CECR2: variants seen among roughly 807,000 people sequenced by gnomAD.
CECR2 encodes the protein chromatin remodeling regulator CECR2.
CECR2 carries 30 observed loss-of-function variants against 154.5 expected under a neutral mutation model. The observed-to-expected ratio is 0.19, with a 90% CI of 0.15 to 0.26. The LOEUF is 0.26. Ranked by LOEUF, CECR2 falls within the 10% of genes least tolerant of loss-of-function variation. The pLI, the probability that CECR2 is intolerant of heterozygous loss-of-function variation, is 1.00. For synonymous variants in CECR2, 725 were observed against 683.7 expected (o/e 1.06, Z -0.94); for missense variants, 1,743 against 1,829.3 (o/e 0.95, Z 0.86).
At chr22:17,469,507 G>T (rs146699162) in intron 1 of CECR2, among the ~76,000 whole-genome samples, 1 of 152,170 alleles carries the variant, frequency 6.6e-6, no homozygotes, top group Non-Finnish European at 1.5e-5. Context: ...CCCCAAGCAG[G>T]GGGGATGATT....
At chr22:17,523,019 A>T (rs1191564631) in intron 8 of CECR2, among the ~76,000 whole-genome samples, 2 of 151,906 alleles carry the variant, frequency 1.3e-5, no homozygotes, top group African/African-American at 2.4e-5. Context: ...GGAAAAAAAA[A>T]AGCCTGCTAT....
intron 8 of CECR2, among the ~76,000 whole-genome samples, chr22:17,517,794 G>C (rs1296883061): frequency 6.6e-6 from 1 of 152,174 alleles, no homozygotes; most frequent in Admixed American, 6.6e-5. Context: ...ATTTCGTCTT[G>C]CACACCGAAG....
At chr22:17,413,663 GATT>G (rs111990077) in intron 1 of CECR2, among the ~76,000 whole-genome samples, 49 of 150,682 alleles carry the variant, frequency 3.3e-4, no homozygotes, top group South Asian at 1.7e-3. Flanking sequence ...TTGGAAGGAG[GATT>G]ATTATTATTA....
At chr22:17,447,033 C>CTGTTGTTTTTTTT (rs1339121774) in intron 1 of CECR2, among the ~76,000 whole-genome samples, 1 of 114,110 alleles carries the variant, frequency 8.8e-6, no homozygotes, top group Non-Finnish European at 1.7e-5. Flanking sequence ...CGTTTACAAT[C>CTGTTGTTTTTTTT]TTTTTTTTTT....
rs146239485 is a variant in CECR2 at position 17,379,833 on chromosome 22, C to CA, written c.126+9926dup. Among the ~76,000 whole-genome samples, 941 of 152,122 alleles carry CA rather than the reference C, an allele frequency of 6.2e-3. 15 individuals carry two copies. Among genetic ancestry groups the CA allele is most frequent in the African/African-American group, 0.022 (900 of 41,484 alleles). On this transcript the variant is annotated intron_variant, in intron 1 of 18. Coordinates refer to ENST00000262608, the MANE Select transcript of CECR2 (RefSeq NM_001290047.2). ...AGCAAACGGTATTGTGAGTGTGACT[C>CA]AAGCAGTCTAGTGCACTGTGAAGGG...
chr22:17,438,636 T>A (rs1301202465), intron 1 of CECR2, among the ~76,000 whole-genome samples: 1 of 150,796 alleles, frequency 6.6e-6, no homozygotes, highest in Non-Finnish European at 1.5e-5. Context: ...TTTTTTGCAA[T>A]TTTTTTTAAA....
At chr22:17,529,617 G>T (rs532827327) in intron 9 of CECR2, among the ~76,000 whole-genome samples, 1 of 151,626 alleles carries the variant, frequency 6.6e-6, no homozygotes, top group South Asian at 2.1e-4. Flanking sequence ...GGAGAATGGC[G>T]TGAACCCGGG....
intron 1 of CECR2, among the ~76,000 whole-genome samples, chr22:17,381,514 G>A (rs1195224282): frequency 6.6e-6 from 1 of 152,040 alleles, no homozygotes; most frequent in Non-Finnish European, 1.5e-5. Context: ...CCCTGACTCC[G>A]CTTGGATTTC....
chr22:17,394,354 C>G (rs2053776870), intron 1 of CECR2, among the ~76,000 whole-genome samples: 1 of 151,890 alleles, frequency 6.6e-6, no homozygotes, highest in Admixed American at 6.6e-5. Flanking sequence ...AGATGTGTGC[C>G]ACCATGCCCA....
intron 1 of CECR2, among the ~76,000 whole-genome samples, chr22:17,453,886 A>G (rs1316742776): frequency 3.3e-5 from 5 of 152,172 alleles, no homozygotes; most frequent in Admixed American, 3.3e-4. Context: ...ATTTATGTTC[A>G]AGTGCTATTT....
intron 1 of CECR2, among the ~76,000 whole-genome samples, chr22:17,377,547 G>A (rs2063132296): frequency 6.6e-6 from 1 of 151,762 alleles, no homozygotes; most frequent in South Asian, 2.1e-4. Flanking sequence ...CCAGGCACAT[G>A]CCACTGCCTT....
intron 2 of CECR2, among the ~76,000 whole-genome samples, chr22:17,480,811 G>A (rs112312082): frequency 2.0e-5 from 3 of 151,702 alleles, no homozygotes; most frequent in Admixed American, 6.6e-5. Flanking sequence ...AGGCCGAGAC[G>A]GGCAGATCAC....
chr22:17,458,593 G>T (rs5746406), intron 1 of CECR2, among the ~76,000 whole-genome samples: 1 of 151,614 alleles, frequency 6.6e-6, no homozygotes, highest in Non-Finnish European at 1.5e-5. Flanking sequence ...TGGGATTTCC[G>T]TATACAGTGT....
Position 17,548,989 on chromosome 22 carries a change from G to A in CECR2, c.3702G>A (p.Arg1234=), listed in dbSNP as rs200293030. The A allele has an allele frequency of 6.2e-7, 1 of 1,613,888 alleles. No individual in the cohort carries two copies. Among genetic ancestry groups the A allele is most frequent in the Non-Finnish European group, 8.5e-7 (1 of 1,179,874 alleles). Residue 1234 remains arginine, a synonymous_variant, in exon 17 of 19, where the codon AGG becomes AGA. Transcript: ENST00000262608. ...GPPASQPPPP[R]SLFSDKNAMA... is the part of the protein sequence containing the mutation. ...CAGCCAGTCAGCCTCCCCCACCAAGGTCCCTCTTCTCAGATAAGAATGCCA... is the reference window on the plus strand; with the variant it reads ...CAGCCAGTCAGCCTCCCCCACCAAGATCCCTCTTCTCAGATAAGAATGCCA...
At chr22:17,399,342 GTCT>G (rs1447345241) in intron 1 of CECR2, among the ~76,000 whole-genome samples, 1 of 151,576 alleles carries the variant, frequency 6.6e-6, no homozygotes, top group Non-Finnish European at 1.5e-5. Flanking sequence ...TCAGTCCAAA[GTCT>G]TCTCCTGGGA....
chr22:17,437,785 C>A (rs1430436824), intron 1 of CECR2, among the ~76,000 whole-genome samples: 1 of 152,110 alleles, frequency 6.6e-6, no homozygotes, highest in Non-Finnish European at 1.5e-5. Context: ...ATCACTGCTT[C>A]TTAGCAGGAG....
intron 1 of CECR2, among the ~76,000 whole-genome samples, chr22:17,398,935 C>T (rs2053852411): frequency 6.6e-6 from 1 of 152,130 alleles, no homozygotes; most frequent in Non-Finnish European, 1.5e-5. Flanking sequence ...CAGGTTGAAT[C>T]AGGTGATATT....
chr22:17,371,616 C>T (rs1462965554), intron 1 of CECR2, among the ~76,000 whole-genome samples: 1 of 152,140 alleles, frequency 6.6e-6, no homozygotes, highest in African/African-American at 2.4e-5. Flanking sequence ...TTAATTATAT[C>T]CTGCAGTCAA....
At chr22:17,382,457 C>T (rs1289710382) in intron 1 of CECR2, among the ~76,000 whole-genome samples, 1 of 152,140 alleles carries the variant, frequency 6.6e-6, no homozygotes, top group Non-Finnish European at 1.5e-5. Flanking sequence ...GGGTCAGTTC[C>T]AGACTATTGC....
Sources: gnomAD v4.1 joint callset for allele counts (sites outside exome capture counted in the v4.1 genomes callset) on GRCh38, gnomAD v4.1.1 for gene constraint, MANE v1.5 for transcripts, NCBI Gene and HGNC (gene_info 2026-07-23, HGNC 2026-07-21) for gene names.